Variants in PCDHGB7 observed in about 807,000 individuals in gnomAD.
The protein encoded by PCDHGB7 is protocadherin gamma subfamily B, 7.
Under a neutral mutation model 61.4 loss-of-function variants are expected in PCDHGB7, and 37 were observed. The ratio of observed to expected loss-of-function variants is 0.60; its 90% confidence interval spans 0.46 to 0.79. The LOEUF (loss-of-function observed/expected upper bound fraction) is 0.79, where lower values mean the gene tolerates loss of function less well. PCDHGB7 is among the 30% of genes least tolerant of loss of function. The pLI is 0.00. For synonymous variants in PCDHGB7, 464 were observed against 503.5 expected, an observed-to-expected ratio of 0.92 and a Z score of 1.05; for missense variants, 1,166 against 1,202.5, an observed-to-expected ratio of 0.97 and a Z score of 0.45.
chr5:141,435,973 G>T (rs1420195337), intron 1 of PCDHGB7, among the ~76,000 whole-genome samples: 1 of 152,028 alleles, frequency 6.6e-6, no homozygotes, highest in East Asian at 1.9e-4. Context: ...AGAGTGTGTG[G>T]TTCTACTTGT....
chr5:141,466,037 G>T (rs1204301031), intron 1 of PCDHGB7, among the ~76,000 whole-genome samples: 1 of 152,056 alleles, frequency 6.6e-6, no homozygotes, highest in African/African-American at 2.4e-5. Flanking sequence ...CAGGAGAACG[G>T]CATGAACCCA....
chr5:141,492,091 C>G (rs930375969), intron 1 of PCDHGB7, among the ~76,000 whole-genome samples: 5 of 152,242 alleles, frequency 3.3e-5, no homozygotes, highest in Non-Finnish European at 5.9e-5. Flanking sequence ...CACGCTTCGC[C>G]GGTCTGTAGA....
intron 2 of PCDHGB7, among the ~76,000 whole-genome samples, chr5:141,501,728 C>A (rs1284130771): frequency 1.3e-5 from 2 of 152,134 alleles, no homozygotes; most frequent in East Asian, 1.9e-4. Flanking sequence ...ATATATTACC[C>A]AGTCAGCTTA....
chr5:141,461,864 C>T (rs911351082), intron 1 of PCDHGB7, among the ~76,000 whole-genome samples: 5 of 151,900 alleles, frequency 3.3e-5, no homozygotes, highest in African/African-American at 9.7e-5. Context: ...GCTCTTGTTG[C>T]CCAGGCTGGA....
In PCDHGB7 at chr5:141,503,070, G is replaced by A. The variant is rs868143537; in HGVS notation, c.2475-2323G>A. 1.5e-4 allele frequency among the ~76,000 whole-genome samples: 23 copies of A among 151,614 alleles called. No individual in the cohort carries two copies. The Middle Eastern group carries it at 0.01, about 68-fold the overall frequency. On this transcript the variant is annotated intron_variant, in intron 2 of 3. Coordinates refer to ENST00000398594, the MANE Select transcript of PCDHGB7 (RefSeq NM_018927.4). ...GGGTTTCACCATGTTGGTCAGAATGGTCTCGATCTCCTGACCTCGTGGTCT... is the reference window on the plus strand; with the variant it reads ...GGGTTTCACCATGTTGGTCAGAATGATCTCGATCTCCTGACCTCGTGGTCT...
chr5:141,476,716 C>T lies in PCDHGB7; in HGVS notation c.2416-18091C>T. On this transcript the variant is annotated intron_variant, in intron 1 of 3. Transcript: ENST00000398594. This position sits in a 1 kb window ranked among gnomAD's most constrained non-coding sequence, Gnocchi z 7.6. ...AGTACGCGGAGCTGGTGTTGGAGCG[C>T]GCCCTGGACCGAGAACGGGAGCCTA... 15 of 1,614,148 alleles carry T rather than the reference C, an allele frequency of 9.3e-6. No homozygotes were observed. The highest frequency in any genetic ancestry group is 1.3e-5 in the Non-Finnish European group (15 of 1,180,036).
intron 1 of PCDHGB7, among the ~76,000 whole-genome samples, chr5:141,468,868 A>T (rs1006995156): frequency 9.2e-5 from 14 of 151,794 alleles, no homozygotes; most frequent in African/African-American, 2.4e-4. Flanking sequence ...TCCATCTCAA[A>T]AATAATAATA....
At chr5:141,478,586 T>C (rs754157570) in intron 1 of PCDHGB7, 6 of 1,576,788 alleles carry the variant, frequency 3.8e-6, no homozygotes, top group Non-Finnish European at 3.4e-6. Context: ...GTTAGTGCTT[T>C]TTTATTCCTA....
intron 1 of PCDHGB7, chr5:141,478,825 T>G: frequency 1.4e-6 from 2 of 1,441,878 alleles, no homozygotes; most frequent in East Asian, 5.0e-5. Context: ...TAACCAATCT[T>G]GCTAAGGGAT....
In PCDHGB7 at chr5:141,483,740, A is replaced by T. The variant is rs2099586227; in HGVS notation, c.2416-11067A>T. Among the ~76,000 whole-genome samples, 4 of 152,148 alleles carry T rather than the reference A, an allele frequency of 2.6e-5. No homozygotes were observed. The South Asian group carries it at 8.3e-4, about 32-fold the overall frequency. ...TGGTTCCCACCATAGTCAAAAGGATATTCCTGAGGATCGAGGCTTGGAAAA... is the reference window on the plus strand; with the variant it reads ...TGGTTCCCACCATAGTCAAAAGGATTTTCCTGAGGATCGAGGCTTGGAAAA... On this transcript the variant is annotated intron_variant, in intron 1 of 3. Transcript: ENST00000398594.
intron 1 of PCDHGB7, among the ~76,000 whole-genome samples, chr5:141,447,688 G>A (rs188511217): frequency 1.4e-4 from 22 of 152,258 alleles, no homozygotes; most frequent in African/African-American, 4.3e-4. Context: ...TATCTTGATA[G>A]AGGGATGGGT....
At chr5:141,496,888 T>TAA (rs35063790) in intron 2 of PCDHGB7, among the ~76,000 whole-genome samples, 141 of 134,106 alleles carry the variant, frequency 1.1e-3, no homozygotes, top group East Asian at 2.4e-3. Context: ...AAGTAACACT[T>TAA]AAAAAAAAAA....
chr5:141,454,880 T>C (rs1561957456), intron 1 of PCDHGB7, among the ~76,000 whole-genome samples: 1 of 137,862 alleles, frequency 7.3e-6, no homozygotes, highest in Non-Finnish European at 1.5e-5. Flanking sequence ...CGATCTTGGC[T>C]CACTGCTAGC....
In PCDHGB7 at chr5:141,419,187, C is replaced by G. The variant is rs1179461161; in HGVS notation, c.1328C>G (p.Thr443Ser). 4 of 1,614,024 alleles carry G rather than the reference C, an allele frequency of 2.5e-6. No individual in the cohort carries two copies. Among genetic ancestry groups the G allele is most frequent in the Non-Finnish European group, 2.5e-6 (3 of 1,179,912 alleles). ...SSSKTITLHI[T>S]DVNDNAPVFG... Reference sequence around the variant, plus strand: ...AGCAAAACCATAACCCTGCACATTACTGACGTCAATGACAACGCGCCGGTT... The same window carrying G: ...AGCAAAACCATAACCCTGCACATTAGTGACGTCAATGACAACGCGCCGGTT... The change falls in exon 1 of 4, where the codon ACT becomes AGT. Residue 443 changes from threonine to serine, a missense_variant. Transcript: ENST00000398594.
In PCDHGB7 at chr5:141,419,578, G is replaced by A. The variant is rs1339676992; in HGVS notation, c.1719G>A (p.Ala573=). The A allele has an allele frequency of 1.9e-6, 3 of 1,611,604 alleles. No individual in the cohort carries two copies. In the Admixed American group the frequency reaches 5.0e-5, roughly 27 times the overall value. The change falls in exon 1 of 4, where the codon GCG becomes GCA. Residue 573 remains alanine, a synonymous_variant. Transcript: ENST00000398594. ...CTGCGCTGGGTCCCGACGGCTCCGC[G>A]CTCTTCGACACAGTGCCGCGGGCCG... The part of the protein sequence containing the change: ...LYPALGPDGS[A]LFDTVPRAAQ...
intron 1 of PCDHGB7, among the ~76,000 whole-genome samples, chr5:141,464,913 A>T (rs1035542028): frequency 1.3e-4 from 19 of 151,426 alleles, no homozygotes; most frequent in Admixed American, 1.2e-3. Context: ...TAATTTTTTT[A>T]TTTTTTTGTA....
chr5:141,458,408 C>T (rs895785923), intron 1 of PCDHGB7, among the ~76,000 whole-genome samples: 3 of 151,932 alleles, frequency 2.0e-5, no homozygotes, highest in Non-Finnish European at 2.9e-5. Context: ...AGAGACGGAG[C>T]GGGGGTTCCA....
In PCDHGB7 at chr5:141,431,414, G is replaced by A. The variant is rs1184197093; in HGVS notation, c.2415+11140G>A. On this transcript the variant is annotated intron_variant, in intron 1 of 3. Coordinates refer to ENST00000398594, the MANE Select transcript of PCDHGB7 (RefSeq NM_018927.4). The surrounding 1 kb of genome is among the most constrained non-coding windows in gnomAD (Gnocchi z 4.8). ...GGTCCTTACGGCCTCCGACGGGGGC[G>A]ACCCGGTGCGCACAGGCACCGCGCG... The A allele has an allele frequency of 6.2e-7, 1 of 1,613,658 alleles. No homozygotes were observed. The highest frequency in any genetic ancestry group is 1.7e-5 in the Admixed American group (1 of 60,026).
At position 141,431,376 on chromosome 5, in the gene PCDHGB7, C is replaced by T. The variant is rs558222633; in HGVS notation, c.2415+11102C>T. The T allele has an allele frequency of 1.2e-6, 2 of 1,613,436 alleles. No homozygotes were observed. Among genetic ancestry groups the T allele is most frequent in the African/African-American group, 2.7e-5 (2 of 75,070 alleles). On this transcript the variant is annotated intron_variant, in intron 1 of 3. Coordinates refer to ENST00000398594, the MANE Select transcript of PCDHGB7 (RefSeq NM_018927.4). The surrounding 1 kb of genome is among the most constrained non-coding windows in gnomAD (Gnocchi z 4.8). Reference sequence around the variant, plus strand: ...CGCGCCCTGGACCGCGAAGAAAAGGCTGCTCACCACCTGGTCCTTACGGCC... The same window carrying T: ...CGCGCCCTGGACCGCGAAGAAAAGGTTGCTCACCACCTGGTCCTTACGGCC...
Sources: allele counts gnomAD v4.1 joint callset (sites outside exome capture counted in the v4.1 genomes callset), GRCh38; gene constraint gnomAD v4.1.1; non-coding constraint Gnocchi (gnomAD v3.1); transcripts MANE v1.5; gene names NCBI Gene and HGNC (gene_info 2026-07-23, HGNC 2026-07-21).